The following POLR3F variants were observed in gnomAD, a reference collection of about 807,000 sequenced individuals.
POLR3F encodes the protein DNA-directed RNA polymerase III subunit RPC6.
Under a neutral mutation model 43.6 loss-of-function variants are expected in POLR3F, and 31 were observed. The ratio of observed to expected loss-of-function variants is 0.71; its 90% CI spans 0.53 to 0.96. POLR3F has a LOEUF of 0.96. POLR3F is among the 40% of genes least tolerant of loss of function. POLR3F has a pLI of 0.00. For missense variants in POLR3F, 316 were observed against 391.7 expected, an observed-to-expected ratio of 0.81 and a Z score of 1.63; for synonymous variants, 114 against 132.5, an observed-to-expected ratio of 0.86 and a Z score of 0.96.
At position 18,483,869 on chromosome 20, in the gene POLR3F, C is replaced by T. The variant is rs768509734; in HGVS notation, c.*311C>T. On this transcript the variant is annotated 3_prime_UTR_variant, in exon 9 of 9. Coordinates refer to ENST00000377603, the MANE Select transcript of POLR3F (RefSeq NM_006466.4). ...TCAAGGAAAAAGATGCCAACATACC[C>T]GTATTTACCAAGTACTATGATAATG... 8 of 392,420 alleles carry T rather than the reference C, an allele frequency of 2.0e-5. No individual in the cohort carries two copies. The highest frequency in any genetic ancestry group is 6.4e-4 in the Middle Eastern group (1 of 1,574). The allele number at this position is 392,420 out of a possible 1,614,324, so 24.3% of individuals were successfully genotyped here.
rs953726848 is a variant in POLR3F, at chr20:18,483,946, G to A, written c.*388G>A. On this transcript the variant is annotated 3_prime_UTR_variant, in exon 9 of 9. Transcript: ENST00000377603. Reference sequence around the variant, plus strand: ...AAGTTATTTATTAAGTTCTTCATTGGAAGTTTTTTTTTATATCTGGTTCAC... The same window carrying A: ...AAGTTATTTATTAAGTTCTTCATTGAAAGTTTTTTTTTATATCTGGTTCAC... 1 of 396,510 alleles carries A rather than the reference G, an allele frequency of 2.5e-6. No individual in the cohort carries two copies. Among genetic ancestry groups the A allele is most frequent in the African/African-American group, 2.1e-5 (1 of 48,502 alleles). The allele number at this position is 396,510 out of a possible 1,614,324, so 24.6% of individuals were successfully genotyped here.
intron 2 of POLR3F, among the ~76,000 whole-genome samples, chr20:18,469,859 A>AC (rs1408573235): frequency 1.3e-5 from 2 of 151,076 alleles, no homozygotes; most frequent in East Asian, 1.9e-4. Flanking sequence ...AAAATATTCC[A>AC]CCCCCCGATT....
intron 5 of POLR3F, among the ~76,000 whole-genome samples, chr20:18,477,671 G>A (rs1005059123): frequency 6.6e-6 from 1 of 152,154 alleles, no homozygotes; most frequent in Non-Finnish European, 1.5e-5. Flanking sequence ...CTAAGTAAAA[G>A]AAGCCAGTCC....
Position 18,480,095 on chromosome 20 carries a change from GGTGGAGCCTGGTACAGTGAC to G in POLR3F, c.488_507del (p.Gly163AlafsTer4). 2 of 1,611,534 alleles carry G rather than the reference GGTGGAGCCTGGTACAGTGAC, an allele frequency of 1.2e-6. No homozygotes were observed. The highest frequency in any genetic ancestry group is 1.7e-6 in the Non-Finnish European group (2 of 1,177,802). On this transcript the variant is annotated frameshift_variant, in exon 6 of 9. Transcript: ENST00000377603. LOFTEE classifies it high-confidence loss of function. ...CCTGCAGCCAGACCGGTCTGTGACTGGTGGAGCCTGGTACAGTGACCAGGATTTTGAATCTGAATTTGTAG... is the reference window on the plus strand; with the variant it reads ...CCTGCAGCCAGACCGGTCTGTGACTGCAGGATTTTGAATCTGAATTTGTAG...
chr20:18,481,998 T>C (rs2059813094), intron 8 of POLR3F, among the ~76,000 whole-genome samples, 188 bp downstream of exon 8: 1 of 146,738 alleles, frequency 6.8e-6, no homozygotes, highest in African/African-American at 2.5e-5. Flanking sequence ...TTTTTTTTTT[T>C]TTTTTTTGAG....
chr20:18,467,613 T>G, intron 1 of POLR3F, 45 bp downstream of exon 1: 1 of 1,613,758 alleles, frequency 6.2e-7, no homozygotes, highest in African/African-American at 1.3e-5. Context: ...AGGCGCCCAG[T>G]CATTTGGGCA....
At chr20:18,476,200 C>T (rs1045984369) in intron 5 of POLR3F, among the ~76,000 whole-genome samples, 3 of 152,190 alleles carry the variant, frequency 2.0e-5, no homozygotes, top group Non-Finnish European at 2.9e-5. Flanking sequence ...CACCGCTGTT[C>T]TAATTTTAGA....
chr20:18,469,276 G>A (rs2059734543), intron 2 of POLR3F: 1 of 509,858 alleles, frequency 2.0e-6, no homozygotes. Flanking sequence ...TATGGGTCCA[G>A]TTGGGTGAGC....
chr20:18,480,401 G>A lies in POLR3F; in HGVS notation c.574-1G>A. 1 of 1,593,986 alleles carries A rather than the reference G, an allele frequency of 6.3e-7. No individual in the cohort carries two copies. Among genetic ancestry groups the A allele is most frequent in the Non-Finnish European group, 8.6e-7 (1 of 1,162,020 alleles). The stretch of plus-strand genomic sequence containing the variant: ...CATTTCTTATGTTTCAATCCTTATA[G>A]GCAGAAACAGCACGAGAAAGCAAAC... On this transcript the variant is annotated splice_acceptor_variant, in intron 6 of 8. Coordinates refer to ENST00000377603, the MANE Select transcript of POLR3F (RefSeq NM_006466.4). LOFTEE classifies it high-confidence loss of function.
intron 2 of POLR3F, 83 bp from the exon 3 acceptor site, chr20:18,472,759 T>TA (rs2059760190): frequency 2.9e-6 from 2 of 682,802 alleles, no homozygotes; most frequent in Admixed American, 2.7e-5. Context: ...TTAAGAATGT[T>TA]AAAGAATGCA....
At chr20:18,474,368 A>G (rs939768951) in intron 4 of POLR3F, among the ~76,000 whole-genome samples, 1 of 152,112 alleles carries the variant, frequency 6.6e-6, no homozygotes, top group African/African-American at 2.4e-5. Context: ...CCACTTGAGG[A>G]TGGCAGTTGA....
intron 1 of POLR3F, 74 bp downstream of exon 1, chr20:18,467,642 G>A: frequency 1.2e-6 from 2 of 1,606,986 alleles, no homozygotes; most frequent in Non-Finnish European, 1.7e-6. Context: ...CCTTCTCCGG[G>A]ATCCCTTGGG....
At chr20:18,478,743 G>A (rs1295347348) in intron 5 of POLR3F, among the ~76,000 whole-genome samples, 2 of 152,134 alleles carry the variant, frequency 1.3e-5, no homozygotes, top group East Asian at 1.9e-4. Flanking sequence ...CATAAATCTC[G>A]TGCTGCCAAC....
chr20:18,472,856 C>CT lies in POLR3F; in HGVS notation c.197dup (p.Leu66PhefsTer10). ...TTAAAAACTAGGGTCAGTTGGATCT[C>CT]TTAAGGAGCAATACGGGCCTTTTAT... is the stretch of plus-strand genomic sequence containing the variant. On this transcript the variant is annotated frameshift_variant, in exon 3 of 9. Coordinates refer to ENST00000377603, the MANE Select transcript of POLR3F (RefSeq NM_006466.4). LOFTEE classifies it high-confidence loss of function. 2.0e-6 allele frequency: 3 copies of CT among 1,480,554 alleles called. No individual in the cohort carries two copies. Among genetic ancestry groups the CT allele is most frequent in the South Asian group, 2.4e-5 (2 of 81,718 alleles). The allele number at this position is 1,480,554 out of a possible 1,614,324, so 91.7% of individuals were successfully genotyped here.
intron 3 of POLR3F, 82 bp from the exon 4 acceptor site, chr20:18,473,309 C>A: frequency 1.6e-6 from 1 of 640,640 alleles, no homozygotes; most frequent in Non-Finnish European, 2.9e-6. Flanking sequence ...ACCTTGTCTG[C>A]TAATTTTGTT....
In POLR3F at chr20:18,474,229, C is replaced by A. The variant is rs947078661; in HGVS notation, c.316+771C>A. Among the ~76,000 whole-genome samples the A allele has an allele frequency of 5.3e-5, 8 of 151,938 alleles. No homozygotes were observed. The South Asian group carries it at 6.3e-4, about 12-fold the overall frequency. ...TTATTTCCTTCTTTGAAAAAGAAAT[C>A]ATTGCTTCTCACACAGGGCTTTTAG... On this transcript the variant is annotated intron_variant, in intron 4 of 8. Coordinates refer to ENST00000377603, the MANE Select transcript of POLR3F (RefSeq NM_006466.4).
intron 3 of POLR3F, chr20:18,473,139 CTTTTT>C (rs146331734): frequency 3.0e-5 from 9 of 305,014 alleles, no homozygotes; most frequent in East Asian, 5.4e-5. Context: ...TAATCTTTCT[CTTTTT>C]TTTTTAACAA....
chr20:18,482,369 G>A (rs2059815346), intron 8 of POLR3F, among the ~76,000 whole-genome samples: 1 of 152,090 alleles, frequency 6.6e-6, no homozygotes, highest in South Asian at 2.1e-4. Flanking sequence ...ACTTTTTGAT[G>A]AGGGCTAATC....
At chr20:18,481,473 A>G (rs1403622970) in intron 7 of POLR3F, 146 bp from the exon 8 acceptor site, 1 of 607,618 alleles carries the variant, frequency 1.6e-6, no homozygotes, top group African/African-American at 1.8e-5. Context: ...TCCTGACCTC[A>G]AGTGATCCAC....
Sources: allele counts gnomAD v4.1 joint callset (sites outside exome capture counted in the v4.1 genomes callset), GRCh38; gene constraint gnomAD v4.1.1; transcripts MANE v1.5; gene names NCBI Gene and HGNC (gene_info 2026-07-23, HGNC 2026-07-21).